PLBD1: variants seen among roughly 807,000 people sequenced by gnomAD.
PLBD1 encodes phospholipase B domain containing 1, also known as lysosomal leucine aminopeptidase.
PLBD1 carries 60 observed loss-of-function variants against 63.0 expected under a neutral mutation model. That is an observed-to-expected ratio of 0.95 (90% CI 0.77 to 1.18). The LOEUF is 1.18. PLBD1 is among the 50% of genes most tolerant of loss of function. The probability of loss-of-function intolerance (pLI) is 0.00; values close to 1 mark genes in which losing one functional copy is unlikely to be tolerated. For missense variants in PLBD1, 598 were observed against 677.9 expected (o/e 0.88, Z 1.31); for synonymous variants, 262 against 248.0 (o/e 1.06, Z -0.53).
In PLBD1 at chr12:14,506,215, G is replaced by A. The variant is rs755656884; in HGVS notation, c.1426C>T (p.Arg476Cys). ...RGDPCNTICC[R>C]EDLNSPNPSP... ...GGGTTAGGTGAGTTCAGGTCCTCAC[G>A]GCAGCAGATGGTATTACAGGGGTCA... Residue 476 changes from arginine (R) to cysteine (C), a missense_variant, in exon 10 of 11, where the codon CGT (arginine) becomes TGT (cysteine). Arg to Cys is a radical substitution (Grantham distance 180, BLOSUM62 -3). Transcript: ENST00000240617. The A allele has an allele frequency of 1.5e-5, 25 of 1,612,954 alleles. No homozygotes were observed. The highest frequency in any genetic ancestry group is 5.0e-5 in the Admixed American group (3 of 59,882).
chr12:14,506,868 G>A (rs111663606), intron 9 of PLBD1, 65 bp downstream of exon 9: 1 of 1,427,372 alleles, frequency 7.0e-7, no homozygotes, highest in African/African-American at 1.4e-5. Context: ...AACTTACATG[G>A]ATTCTGTATC....
intron 2 of PLBD1, among the ~76,000 whole-genome samples, chr12:14,543,190 T>C (rs1945589536): frequency 6.6e-6 from 1 of 152,126 alleles, no homozygotes; most frequent in South Asian, 2.1e-4. Context: ...GATAATACTT[T>C]TGTTATTTTC....
At chr12:14,516,813 C>T (rs535533053) in intron 6 of PLBD1, among the ~76,000 whole-genome samples, 2 of 152,048 alleles carry the variant, frequency 1.3e-5, no homozygotes, top group East Asian at 1.9e-4. Flanking sequence ...CAGAGGAGGG[C>T]GGATCACCTG....
intron 8 of PLBD1, among the ~76,000 whole-genome samples, chr12:14,507,809 G>GC (rs1203912708): frequency 6.6e-6 from 1 of 152,110 alleles, no homozygotes; most frequent in Admixed American, 6.5e-5. Flanking sequence ...GTGTGTGAAG[G>GC]CCACATAGCC....
intron 1 of PLBD1, 40 bp from the exon 2 acceptor site, chr12:14,553,452 T>A: frequency 6.8e-6 from 10 of 1,463,422 alleles, no homozygotes; most frequent in Non-Finnish European, 9.5e-6. Flanking sequence ...GCCATTCAAA[T>A]GAGTTGTGAT....
chr12:14,561,394 C>T (rs1406457339), intron 1 of PLBD1, among the ~76,000 whole-genome samples: 1 of 151,928 alleles, frequency 6.6e-6, no homozygotes, highest in East Asian at 1.9e-4. Flanking sequence ...TTAGGTCAGT[C>T]CTCATCTAGA....
At chr12:14,537,147 C>T (rs113099383) in intron 4 of PLBD1, among the ~76,000 whole-genome samples, 4,090 of 149,452 alleles carry the variant, frequency 0.027, 109 homozygotes, top group African/African-American at 0.073. Context: ...TTAACAGGTA[C>T]GCTAGATTTT....
chr12:14,532,585 G>A (rs35179643), intron 6 of PLBD1, among the ~76,000 whole-genome samples: 1 of 152,108 alleles, frequency 6.6e-6, no homozygotes, highest in Non-Finnish European at 1.5e-5. Flanking sequence ...GGGCCAACTA[G>A]AGGAATCTGC....
At chr12:14,524,098 T>C (rs188415421) in intron 6 of PLBD1, among the ~76,000 whole-genome samples, 52 of 152,228 alleles carry the variant, frequency 3.4e-4, no homozygotes, top group Non-Finnish European at 5.9e-4. Context: ...ATGTGGAATC[T>C]ATAAAAGCCG....
At position 14,526,030 on chromosome 12, in the gene PLBD1, G is replaced by A. The variant is rs149550295; in HGVS notation, c.844+9629C>T. Among the ~76,000 whole-genome samples, 317 of 151,972 alleles carry A rather than the reference G, an allele frequency of 2.1e-3. 1 individual carries two copies. The highest frequency in any genetic ancestry group is 7.2e-3 in the African/African-American group (300 of 41,458). On this transcript the variant is annotated intron_variant, in intron 6 of 10. Coordinates refer to ENST00000240617, the MANE Select transcript of PLBD1 (RefSeq NM_024829.6). Reference sequence around the variant, plus strand: ...AACTTATTAAAATATAGAATATTTTGTTATAAAACCTTTGTTAAAATGTTT... The same window carrying A: ...AACTTATTAAAATATAGAATATTTTATTATAAAACCTTTGTTAAAATGTTT...
intron 6 of PLBD1, among the ~76,000 whole-genome samples, chr12:14,523,373 T>A (rs1176307778): frequency 6.6e-6 from 1 of 152,130 alleles, no homozygotes; most frequent in Non-Finnish European, 1.5e-5. Context: ...GTTTACGGAT[T>A]TGAGGAATTT....
At chr12:14,548,602 C>T (rs117980378) in intron 2 of PLBD1, among the ~76,000 whole-genome samples, 1,995 of 152,102 alleles carry the variant, frequency 0.013, 15 homozygotes, top group Non-Finnish European at 0.021. Flanking sequence ...TAACACCAAG[C>T]ACAAAGGAGG....
intron 1 of PLBD1, among the ~76,000 whole-genome samples, chr12:14,567,228 C>T (rs1369642340): frequency 6.6e-6 from 1 of 152,240 alleles, no homozygotes; most frequent in African/African-American, 2.4e-5. Context: ...AAGCCGGAAC[C>T]ATACCTCCCT....
At chr12:14,564,469 A>C (rs17405109) in intron 1 of PLBD1, among the ~76,000 whole-genome samples, 36,545 of 152,160 alleles carry the variant, frequency 0.24, 5,244 homozygotes, top group Admixed American at 0.32. Context: ...CGGCTGACTC[A>C]AGTGTATGAT....
chr12:14,542,404 CCTA>C, intron 2 of PLBD1, 113 bp from the exon 3 acceptor site: 2 of 716,612 alleles, frequency 2.8e-6, no homozygotes, highest in Non-Finnish European at 4.7e-6. Context: ...ACAAACTCTG[CCTA>C]CTATCTTTTT....
At chr12:14,547,055 T>C (rs1052072831) in intron 2 of PLBD1, among the ~76,000 whole-genome samples, 7 of 152,026 alleles carry the variant, frequency 4.6e-5, no homozygotes, top group Admixed American at 4.6e-4. Flanking sequence ...TAATTTTGTA[T>C]TTTTAGTAGA....
At chr12:14,524,929 C>T (rs914988122) in intron 6 of PLBD1, among the ~76,000 whole-genome samples, 1 of 152,192 alleles carries the variant, frequency 6.6e-6, no homozygotes, top group Non-Finnish European at 1.5e-5. Flanking sequence ...CTGTATACTT[C>T]AACAGTAAAT....
chr12:14,557,255 T>C (rs1945713402), intron 1 of PLBD1, among the ~76,000 whole-genome samples: 1 of 152,114 alleles, frequency 6.6e-6, no homozygotes. Context: ...ATTGTGGTGA[T>C]TCCTCAAAGA....
chr12:14,546,641 G>C (rs1945618897), intron 2 of PLBD1, among the ~76,000 whole-genome samples: 1 of 152,208 alleles, frequency 6.6e-6, no homozygotes, highest in South Asian at 2.1e-4. Context: ...CTAGTGGGTA[G>C]AGGCCACAGA....
Sources: gnomAD v4.1 joint callset for allele counts (sites outside exome capture counted in the v4.1 genomes callset) on GRCh38, gnomAD v4.1.1 for gene constraint, MANE v1.5 for transcripts, NCBI Gene and HGNC (gene_info 2026-07-23, HGNC 2026-07-21) for gene names.